The following LTA4H variants were observed in gnomAD, a reference collection of about 807,000 sequenced individuals.
LTA4H encodes the protein leukotriene A-4 hydrolase.
A neutral mutation model predicts 89.8 loss-of-function variants in LTA4H; 59 were observed. The ratio of observed to expected loss-of-function variants is 0.66; its 90% CI spans 0.53 to 0.82. LTA4H has a LOEUF of 0.82. LTA4H is among the 40% of genes least tolerant of loss of function. The pLI, the probability that LTA4H is intolerant of heterozygous loss-of-function variation, is 0.00. For synonymous variants in LTA4H, 227 were observed against 253.1 expected (o/e 0.90, Z 0.98); for missense variants, 617 against 727.0 (o/e 0.85, Z 1.74).
chr12:96,015,092 T>A, intron 11 of LTA4H, 93 bp from the exon 12 acceptor site: 1 of 1,200,358 alleles, frequency 8.3e-7, no homozygotes, highest in Non-Finnish European at 1.2e-6. Flanking sequence ...CACTCAGTGG[T>A]GTAACTTTAG....
Position 96,000,881 on chromosome 12 carries a change from A to G in LTA4H, c.*108T>C. The G allele has an allele frequency of 1.3e-6, 1 of 777,992 alleles. No homozygotes were observed. The highest frequency in any genetic ancestry group is 2.1e-6 in the Non-Finnish European group (1 of 469,640). 48.2% of individuals were successfully genotyped at this position (777,992 alleles called of 1,614,324 possible). On this transcript the variant is annotated 3_prime_UTR_variant, in exon 19 of 19. Coordinates refer to ENST00000228740, the MANE Select transcript of LTA4H (RefSeq NM_000895.3). ...CAGTAAAATCACCAACAAAACAATA[A>G]AAAGCCAAAACTAAAAAGACAGTTT...
chr12:96,003,077 T>A lies in LTA4H; in HGVS notation c.1614-13A>T. 1 of 1,557,806 alleles carries A rather than the reference T, an allele frequency of 6.4e-7. No homozygotes were observed. The highest frequency in any genetic ancestry group is 8.8e-7 in the Non-Finnish European group (1 of 1,140,596). ...GAGCCGCAGCCATCTAAAAGGAGGA[T>A]TTGGGGGGAGCATGGAGTAGAAAAT... On this transcript the variant is annotated splice_polypyrimidine_tract_variant and intron_variant, in intron 17 of 18. Transcript: ENST00000228740.
At chr12:96,027,307 T>C (rs1950522931) in intron 3 of LTA4H, 137 bp downstream of exon 3, 3 of 641,324 alleles carry the variant, frequency 4.7e-6, no homozygotes, top group Admixed American at 3.3e-5. Context: ...ATTCATCTTA[T>C]ATGTTTCTAT....
At chr12:96,006,513 T>C in intron 15 of LTA4H, 104 bp from the exon 16 acceptor site, 1 of 581,768 alleles carries the variant, frequency 1.7e-6, no homozygotes, top group Non-Finnish European at 3.0e-6. Flanking sequence ...ACCATATGAA[T>C]GAACAAGATT....
At chr12:96,016,423 C>T (rs1294718507) in intron 10 of LTA4H, among the ~76,000 whole-genome samples, 1 of 151,606 alleles carries the variant, frequency 6.6e-6, no homozygotes, top group South Asian at 2.1e-4. Context: ...CCAGTCTGGG[C>T]GACATGGTGA....
intron 15 of LTA4H, among the ~76,000 whole-genome samples, chr12:96,007,696 T>C (rs143469302): frequency 2.0e-5 from 3 of 152,364 alleles, no homozygotes; most frequent in East Asian, 3.8e-4. Flanking sequence ...TTGATCATTA[T>C]CCACCTTAAC....
rs1028441374 is a variant in LTA4H at position 96,019,245 on chromosome 12, A to C, written c.639-5T>G. ...AAAGTTCTTGGGCCAATTTGCCTGCAAGATTAAAAAGCTTAATAAAAAAGA... is the reference window on the plus strand; with the variant it reads ...AAAGTTCTTGGGCCAATTTGCCTGCCAGATTAAAAAGCTTAATAAAAAAGA... On this transcript the variant is annotated splice_region_variant and splice_polypyrimidine_tract_variant and intron_variant, in intron 6 of 18. Coordinates refer to ENST00000228740, the MANE Select transcript of LTA4H (RefSeq NM_000895.3). The C allele has an allele frequency of 1.9e-6, 3 of 1,604,882 alleles. No individual in the cohort carries two copies. The highest frequency in any genetic ancestry group is 2.5e-6 in the Non-Finnish European group (3 of 1,177,324).
At chr12:96,003,182 T>C (rs532742551) in intron 17 of LTA4H, 118 bp from the exon 18 acceptor site, 2 of 616,956 alleles carry the variant, frequency 3.2e-6, no homozygotes, top group Non-Finnish European at 5.7e-6. Context: ...AGTTATACTG[T>C]ACACCACTTT....
In LTA4H at chr12:96,002,315, A is replaced by G. The variant is rs1332934401; in HGVS notation, c.1718+645T>C. ...GACTTATTTTGCCAAGTTTTATGATATTATATGGCCATCACTTTTGATGGC... is the reference window on the plus strand; with the variant it reads ...GACTTATTTTGCCAAGTTTTATGATGTTATATGGCCATCACTTTTGATGGC... On this transcript the variant is annotated intron_variant, in intron 18 of 18. Coordinates refer to ENST00000228740, the MANE Select transcript of LTA4H (RefSeq NM_000895.3). Among the ~76,000 whole-genome samples the G allele has an allele frequency of 3.3e-5, 5 of 152,340 alleles. No individual in the cohort carries two copies. The East Asian group carries it at 9.6e-4, about 29-fold the overall frequency.
intron 16 of LTA4H, among the ~76,000 whole-genome samples, chr12:96,005,384 C>T (rs1248646556): frequency 2.6e-5 from 4 of 152,204 alleles, no homozygotes; most frequent in Non-Finnish European, 5.9e-5. Flanking sequence ...TAGTTTTCTA[C>T]AACCCAGCAT....
chr12:96,021,114 A>T lies in LTA4H; in HGVS notation c.609T>A (p.Ile203=). ...IQKVPIPCYL[I]ALVVGALESR... is the part of the protein sequence containing the mutation. ...TTTCTAAAGCTCCAACAACTAAAGC[A>T]ATCAGGTAGCAGGGTATTGGAACCT... Residue 203 remains isoleucine (I), a synonymous_variant, in exon 6 of 19, where the codon ATT becomes ATA. Coordinates refer to ENST00000228740, the MANE Select transcript of LTA4H (RefSeq NM_000895.3). The T allele has an allele frequency of 6.2e-7, 1 of 1,601,758 alleles. No homozygotes were observed. Among genetic ancestry groups the T allele is most frequent in the Non-Finnish European group, 8.5e-7 (1 of 1,176,466 alleles).
At chr12:96,039,607 G>C (rs1950673102), upstream of LTA4H, among the ~76,000 whole-genome samples, 1 of 152,088 alleles carries the variant, frequency 6.6e-6, no homozygotes, top group East Asian at 1.9e-4. Context: ...GTTAGCAAGA[G>C]CTTTTAGGAC....
intron 14 of LTA4H, 137 bp downstream of exon 14, chr12:96,013,051 G>A (rs1950326322): frequency 3.1e-6 from 2 of 639,694 alleles, no homozygotes; most frequent in East Asian, 5.5e-5. Flanking sequence ...TCAGGGTTAA[G>A]GCCAAAACAC....
At chr12:96,021,021 G>A (rs916112885) in intron 6 of LTA4H, 64 bp downstream of exon 6, 16 of 1,283,722 alleles carry the variant, frequency 1.2e-5, no homozygotes, top group Non-Finnish European at 1.7e-5. Flanking sequence ...TTAACCTTGA[G>A]AGAAGTTCAA....
rs538603996 is a variant in LTA4H, at chr12:96,005,291, G to A, written c.1530+1023C>T. Among the ~76,000 whole-genome samples the A allele has an allele frequency of 1.6e-4, 25 of 151,976 alleles. No individual in the cohort carries two copies. The South Asian group carries it at 4.8e-3, about 29-fold the overall frequency. On this transcript the variant is annotated intron_variant, in intron 16 of 18. Coordinates refer to ENST00000228740, the MANE Select transcript of LTA4H (RefSeq NM_000895.3). ...TCACGTCCTGTTCTCTCCTCTCCCCGCAACTTACTCCCTCAAGTCCGGTAC... is the reference window on the plus strand; with the variant it reads ...TCACGTCCTGTTCTCTCCTCTCCCCACAACTTACTCCCTCAAGTCCGGTAC...
chr12:96,017,835 T>G (rs1950399845), intron 8 of LTA4H, among the ~76,000 whole-genome samples: 1 of 152,236 alleles, frequency 6.6e-6, no homozygotes, highest in African/African-American at 2.4e-5. Context: ...TGTGTCTAAC[T>G]TCCATGAAAC....
chr12:96,039,221 CA>C (rs531300051), upstream of LTA4H, among the ~76,000 whole-genome samples: 3 of 151,670 alleles, frequency 2.0e-5, no homozygotes, highest in Non-Finnish European at 4.4e-5. Flanking sequence ...CCTGTCTCTA[CA>C]AATAATAGTA....
intron 1 of LTA4H, among the ~76,000 whole-genome samples, chr12:96,042,401 A>G (rs1185058687): frequency 3.3e-5 from 5 of 152,160 alleles, no homozygotes; most frequent in African/African-American, 1.2e-4. Flanking sequence ...AAGCCCACCA[A>G]GAGTTTTGCC....
At chr12:96,013,073 G>A in intron 14 of LTA4H, 115 bp downstream of exon 14, 1 of 794,386 alleles carries the variant, frequency 1.3e-6, no homozygotes, top group Non-Finnish European at 2.1e-6. Flanking sequence ...TAAGAACTCT[G>A]CTTTCATCAT....
Sources: allele counts gnomAD v4.1 joint callset (sites outside exome capture counted in the v4.1 genomes callset), GRCh38; gene constraint gnomAD v4.1.1; transcripts MANE v1.5; gene names NCBI Gene and HGNC (gene_info 2026-07-23, HGNC 2026-07-21).